TGM6: variants seen among roughly 807,000 people sequenced by gnomAD.
TGM6 encodes protein-glutamine gamma-glutamyltransferase 6.
A neutral mutation model predicts 77.5 loss-of-function variants in TGM6; 74 were observed. That is an observed-to-expected ratio of 0.96 (90% CI 0.79 to 1.16). The LOEUF is 1.16. Among genes scored for constraint, TGM6 ranks in the 50% most tolerant of loss-of-function variants. The pLI, the probability that TGM6 is intolerant of heterozygous loss-of-function variation, is 0.00. For missense variants in TGM6, 968 were observed against 940.2 expected (o/e 1.03, Z -0.39); for synonymous variants, 383 against 378.9 (o/e 1.01, Z -0.12).
Position 2,403,838 on chromosome 20 carries a change from G to A in TGM6, c.1336+15G>A, listed in dbSNP as rs2084731158. The A allele has an allele frequency of 2.5e-6, 4 of 1,613,980 alleles. No homozygotes were observed. The highest frequency in any genetic ancestry group is 1.6e-4 in the Middle Eastern group (1 of 6,062). ...GTATCCGGAAGGTAAGGGCCACATG[G>A]CGGCCTTTATTACCTTCCCCCGGAT... On this transcript the variant is annotated intron_variant, in intron 9 of 12. Coordinates refer to ENST00000202625, the MANE Select transcript of TGM6 (RefSeq NM_198994.3).
chr20:2,414,999 CTACTAAGAAACATTGAAT>C (rs2122403147), intron 9 of TGM6, among the ~76,000 whole-genome samples: 1 of 151,128 alleles, frequency 6.6e-6, no homozygotes, highest in East Asian at 2.0e-4. Flanking sequence ...ATTCTGTGAA[CTACTAAGAAACATTGAAT>C]TGCACTCTTA....
intron 1 of TGM6, among the ~76,000 whole-genome samples, chr20:2,386,545 A>G (rs1466436421): frequency 6.6e-6 from 1 of 152,184 alleles, no homozygotes; most frequent in African/African-American, 2.4e-5. Context: ...GCTCAGCAGA[A>G]GGAAGGGCTT....
chr20:2,399,632 G>A lies in TGM6; in HGVS notation c.744G>A (p.Pro248=), dbSNP rs201331865. Residue 248 remains proline (P), a synonymous_variant, in exon 6 of 13, where the codon CCG becomes CCA. Transcript: ENST00000202625. ...WQGKYGGGTS[P]LHWRGSVAIL... is the part of the protein sequence containing the mutation. ...GCAAGTACGGCGGCGGCACCAGCCC[G>A]CTGCACTGGCGCGGCAGCGTGGCCA... 39 of 1,613,344 alleles carry A rather than the reference G, an allele frequency of 2.4e-5. No homozygotes were observed. In the East Asian group the frequency reaches 2.9e-4, roughly 12 times the overall value.
At position 2,403,428 on chromosome 20, in the gene TGM6, G is replaced by A. The variant is rs780209863; in HGVS notation, c.1021G>A (p.Ala341Thr). Residue 341 changes from alanine to threonine, a missense_variant, in exon 8 of 13, where the codon GCC (alanine) becomes ACC (threonine). Ala to Thr is a moderately conservative substitution (Grantham distance 58). Transcript: ENST00000202625. ...CCATGTCTGGAATGAGAGCTGGTTT[G>A]CCCGGCAGGACCTAGGCCCCTCTTA... ...NFHVWNESWF[A>T]RQDLGPSYNG... is the part of the protein sequence containing the mutation. The A allele has an allele frequency of 4.3e-6, 7 of 1,614,140 alleles. No homozygotes were observed. Among genetic ancestry groups the A allele is most frequent in the Non-Finnish European group, 5.9e-6 (7 of 1,180,026 alleles).
At chr20:2,407,943 A>G (rs2084762771) in intron 9 of TGM6, among the ~76,000 whole-genome samples, 1 of 152,134 alleles carries the variant, frequency 6.6e-6, no homozygotes, top group East Asian at 1.9e-4. Flanking sequence ...AGTGACTGGC[A>G]CTCTACTGGG....
Position 2,394,521 on chromosome 20 carries a change from C to T in TGM6, c.77C>T (p.Pro26Leu). ...GCTGCCCACCACACCCAGGAGTACC[C>T]CTGCCCTGAGCTGGTGGTTCGCAGG... ...NGAAHHTQEY[P>L]CPELVVRRGQ... is the part of the protein sequence containing the mutation. Residue 26 changes from proline to leucine, a missense_variant, in exon 2 of 13, where the codon CCC becomes CTC. By Grantham distance (98) the Pro-to-Leu change is moderately conservative (BLOSUM62 -3). Transcript: ENST00000202625. The T allele has an allele frequency of 6.2e-7, 1 of 1,611,864 alleles. No homozygotes were observed. Among genetic ancestry groups the T allele is most frequent in the Non-Finnish European group, 8.5e-7 (1 of 1,179,852 alleles).
At chr20:2,412,734 G>T (rs1234050529) in intron 9 of TGM6, among the ~76,000 whole-genome samples, 1 of 152,006 alleles carries the variant, frequency 6.6e-6, no homozygotes, top group Admixed American at 6.6e-5. Flanking sequence ...CTAGATACTG[G>T]CAATGGATAA....
chr20:2,405,738 G>T (rs927938099), intron 9 of TGM6, among the ~76,000 whole-genome samples: 3 of 152,084 alleles, frequency 2.0e-5, no homozygotes, highest in African/African-American at 7.2e-5. Flanking sequence ...GGTGATTTTT[G>T]TCCCCAAGTT....
At chr20:2,381,088 G>A (rs2084551460) in intron 1 of TGM6, 113 bp downstream of exon 1, 5 of 1,455,146 alleles carry the variant, frequency 3.4e-6, no homozygotes, top group Admixed American at 2.0e-5. Context: ...TTTACAGCTG[G>A]ATAGTCCACC....
Position 2,400,336 on chromosome 20 carries a change from T to C in TGM6, c.881T>C (p.Val294Ala), listed in dbSNP as rs964944604. Residue 294 changes from valine to alanine, a missense_variant, in exon 7 of 13, where the codon GTC (valine) becomes GCC (alanine). By Grantham distance (64) the Val-to-Ala change is moderately conservative (BLOSUM62 0). Coordinates refer to ENST00000202625, the MANE Select transcript of TGM6 (RefSeq NM_198994.3). ...AGGTGCTTGGGGATAGCCACACGGG[T>C]CGTGTCCAACTTCAACTCAGCCCAC... ...VLRCLGIATR[V>A]VSNFNSAHDT... is the part of the protein sequence containing the mutation. 2.5e-6 allele frequency: 4 copies of C among 1,613,984 alleles called. No homozygotes were observed. In the African/African-American group the frequency reaches 5.3e-5, roughly 22 times the overall value.
At chr20:2,383,301 T>C (rs911623369) in intron 1 of TGM6, among the ~76,000 whole-genome samples, 2 of 151,932 alleles carry the variant, frequency 1.3e-5, no homozygotes, top group Admixed American at 1.3e-4. Flanking sequence ...TTGGGGAGGA[T>C]TGTATCATTC....
chr20:2,395,511 C>T, intron 3 of TGM6, 75 bp downstream of exon 3: 2 of 1,611,916 alleles, frequency 1.2e-6, no homozygotes, highest in Non-Finnish European at 1.7e-6. Flanking sequence ...TTGGAGGGGG[C>T]CTGGGAGGTG....
In TGM6 at chr20:2,380,950, G is replaced by T. The variant is rs748824499; in HGVS notation, c.-19G>T. ...CACACTGCTGTGTGGAGGAACAGAG[G>T]AGTCCAGCTGGCCTTCACATGGCAG... On this transcript the variant is annotated 5_prime_UTR_variant, in exon 1 of 13. Coordinates refer to ENST00000202625, the MANE Select transcript of TGM6 (RefSeq NM_198994.3). The T allele has an allele frequency of 1.2e-5, 19 of 1,606,244 alleles. No individual in the cohort carries two copies. Among genetic ancestry groups the T allele is most frequent in the African/African-American group, 5.3e-5 (4 of 74,864 alleles).
At position 2,413,559 on chromosome 20, in the gene TGM6, G is replaced by A. The variant is rs561543895; in HGVS notation, c.1337-3673G>A. ...ATTATGATCAATTGATTCTACAAGC[G>A]TGTCAAGACAATTCAATGGAGAAAG... is the stretch of plus-strand genomic sequence containing the variant. On this transcript the variant is annotated intron_variant, in intron 9 of 12. Coordinates refer to ENST00000202625, the MANE Select transcript of TGM6 (RefSeq NM_198994.3). 9.2e-5 allele frequency among the ~76,000 whole-genome samples: 14 copies of A among 152,256 alleles called. No individual in the cohort carries two copies. The South Asian group carries it at 2.1e-3, about 23-fold the overall frequency.
Position 2,396,535 on chromosome 20 carries a change from G to A in TGM6, c.454G>A (p.Glu152Lys), listed in dbSNP as rs2084668919. ...CGATGTGTTTCTGGCCTCAGAGGAG[G>A]AGAGACAGGAGTACGTGCTCAGCGA... ...EDDVFLASEE[E>K]RQEYVLSDSG... The change falls in exon 4 of 13, where the codon GAG becomes AAG. Residue 152 changes from glutamate (E) to lysine (K), a missense_variant. Coordinates refer to ENST00000202625, the MANE Select transcript of TGM6 (RefSeq NM_198994.3). 6.2e-7 allele frequency: 1 copy of A among 1,614,226 alleles called. No individual in the cohort carries two copies. The highest frequency in any genetic ancestry group is 8.5e-7 in the Non-Finnish European group (1 of 1,180,032).
chr20:2,410,163 G>A (rs2122391744), intron 9 of TGM6, among the ~76,000 whole-genome samples: 1 of 152,250 alleles, frequency 6.6e-6, no homozygotes, highest in East Asian at 1.9e-4. Flanking sequence ...ATTAGGGATT[G>A]GGGACTTTAA....
chr20:2,409,925 T>C (rs1224987189), intron 9 of TGM6, among the ~76,000 whole-genome samples: 1 of 152,126 alleles, frequency 6.6e-6, no homozygotes, highest in Non-Finnish European at 1.5e-5. Flanking sequence ...ATTACTAAAA[T>C]TAGAGAGGAT....
intron 9 of TGM6, among the ~76,000 whole-genome samples, chr20:2,415,081 A>T (rs2084806827): frequency 6.6e-6 from 1 of 152,222 alleles, no homozygotes; most frequent in South Asian, 2.1e-4. Context: ...TGTTTAAAAA[A>T]TCAGGTGGTC....
intron 1 of TGM6, among the ~76,000 whole-genome samples, chr20:2,390,059 C>T (rs983954946): frequency 5.3e-5 from 8 of 152,158 alleles, no homozygotes; most frequent in Admixed American, 5.2e-4. Flanking sequence ...GAACTCTCCC[C>T]AAACCACCTA....
Sources: gnomAD v4.1 joint callset for allele counts (sites outside exome capture counted in the v4.1 genomes callset) on GRCh38, gnomAD v4.1.1 for gene constraint, MANE v1.5 for transcripts, NCBI Gene and HGNC (gene_info 2026-07-23, HGNC 2026-07-21) for gene names.